The following RABGAP1L variants were observed in gnomAD, a reference collection of about 807,000 sequenced individuals.
RABGAP1L encodes rab GTPase-activating protein 1-like.
A neutral mutation model predicts 137.7 loss-of-function variants in RABGAP1L; 63 were observed. The observed-to-expected ratio is 0.46, with a 90% confidence interval of 0.37 to 0.56. The LOEUF (loss-of-function observed/expected upper bound fraction) is 0.56. RABGAP1L is among the 20% of genes least tolerant of loss of function. The pLI, the probability that RABGAP1L is intolerant of heterozygous loss-of-function variation, is 0.00. For missense variants in RABGAP1L, 1,095 were observed against 1,244.0 expected, an observed-to-expected ratio of 0.88 and a Z score of 1.80; for synonymous variants, 431 against 433.7, an observed-to-expected ratio of 0.99 and a Z score of 0.08.
At chr1:174,212,407 A>G (rs146927374) in intron 1 of RABGAP1L, among the ~76,000 whole-genome samples, 315 of 152,184 alleles carry the variant, frequency 2.1e-3, no homozygotes, top group Non-Finnish European at 3.1e-3. Context: ...AACTATACAA[A>G]CACATGGAAA....
At chr1:174,625,019 C>T (rs1476665109) in intron 13 of RABGAP1L, among the ~76,000 whole-genome samples, 4 of 151,844 alleles carry the variant, frequency 2.6e-5, no homozygotes, top group Non-Finnish European at 4.4e-5. Flanking sequence ...TTACAGGCAC[C>T]TGACACCACA....
At chr1:174,587,207 A>C (rs1669181572) in intron 13 of RABGAP1L, among the ~76,000 whole-genome samples, 1 of 143,182 alleles carries the variant, frequency 7.0e-6, no homozygotes, top group Non-Finnish European at 1.5e-5. Context: ...CGCAATAAAC[A>C]TATGTGTGCA....
At chr1:174,517,393 C>A (rs1348877820) in intron 13 of RABGAP1L, among the ~76,000 whole-genome samples, 2 of 152,104 alleles carry the variant, frequency 1.3e-5, no homozygotes, top group Non-Finnish European at 2.9e-5. Flanking sequence ...AAGACTCCAT[C>A]TTTAAGAGAG....
intron 14 of RABGAP1L, among the ~76,000 whole-genome samples, chr1:174,677,177 C>A (rs1430081940): frequency 2.9e-5 from 3 of 101,866 alleles, no homozygotes; most frequent in African/African-American, 1.8e-4. Context: ...AAAAAATTAT[C>A]CGTGCATGGT....
At chr1:174,351,061 G>C (rs1346044575) in intron 11 of RABGAP1L, among the ~76,000 whole-genome samples, 1 of 128,762 alleles carries the variant, frequency 7.8e-6, no homozygotes, top group African/African-American at 2.9e-5. Flanking sequence ...GCATGAGAGG[G>C]AGACCGTGGG....
chr1:174,327,980 CACACACATATATATATATATATATATAT>C (rs1680622967), intron 11 of RABGAP1L, among the ~76,000 whole-genome samples: 50 of 105,914 alleles, frequency 4.7e-4, no homozygotes, highest in Admixed American at 5.0e-4. Context: ...TATATATATA[CACACACATATATATATATATATATATAT>C]ATATATATAT....
At chr1:174,200,895 T>C (rs1392953792) in intron 1 of RABGAP1L, among the ~76,000 whole-genome samples, 9 of 152,204 alleles carry the variant, frequency 5.9e-5, no homozygotes, top group Admixed American at 5.9e-4. Flanking sequence ...ACTTTTTCAA[T>C]GTGTCCCCGT....
intron 13 of RABGAP1L, among the ~76,000 whole-genome samples, chr1:174,611,774 C>T (rs1010138617): frequency 7.2e-5 from 11 of 152,154 alleles, no homozygotes; most frequent in Non-Finnish European, 1.5e-4. Flanking sequence ...TCCTTCACGT[C>T]CCTTTTAAGT....
At chr1:174,715,780 C>CT (rs1680951912) in intron 17 of RABGAP1L, among the ~76,000 whole-genome samples, 1 of 152,178 alleles carries the variant, frequency 6.6e-6, no homozygotes, top group African/African-American at 2.4e-5. Flanking sequence ...CATTTTGGGT[C>CT]TTTCAGTCCA....
chr1:174,601,702 C>G (rs1670426671), intron 13 of RABGAP1L, among the ~76,000 whole-genome samples: 1 of 152,020 alleles, frequency 6.6e-6, no homozygotes, highest in African/African-American at 2.4e-5. Context: ...CTGCATTAGG[C>G]TGCAAATTTT....
At chr1:174,411,904 G>A (rs1042350903) in intron 13 of RABGAP1L, among the ~76,000 whole-genome samples, 1 of 152,058 alleles carries the variant, frequency 6.6e-6, no homozygotes. Context: ...CTGAGCATGT[G>A]ATTGATCTTG....
intron 19 of RABGAP1L, among the ~76,000 whole-genome samples, chr1:174,875,277 T>C (rs986583575): frequency 6.6e-6 from 1 of 152,234 alleles, no homozygotes; most frequent in African/African-American, 2.4e-5. Context: ...TTTTATGAGT[T>C]TAATGTACAG....
intron 13 of RABGAP1L, among the ~76,000 whole-genome samples, chr1:174,611,152 T>A (rs1157685822): frequency 2.7e-5 from 4 of 148,330 alleles, no homozygotes; most frequent in East Asian, 2.0e-4. Flanking sequence ...CTGAATGGTA[T>A]TGCCTAGGTT....
chr1:174,446,682 C>T (rs1222715337), intron 13 of RABGAP1L, among the ~76,000 whole-genome samples: 3 of 152,218 alleles, frequency 2.0e-5, no homozygotes, highest in African/African-American at 7.2e-5. Flanking sequence ...TACCTAATGG[C>T]CCCTGTGTTA....
At chr1:174,365,732 C>T (rs1373470564) in intron 11 of RABGAP1L, among the ~76,000 whole-genome samples, 2 of 152,220 alleles carry the variant, frequency 1.3e-5, no homozygotes, top group African/African-American at 4.8e-5. Flanking sequence ...GTGGTATCAG[C>T]AACTCATGAC....
chr1:174,565,254 T>C (rs752114429), intron 13 of RABGAP1L, among the ~76,000 whole-genome samples: 14 of 152,198 alleles, frequency 9.2e-5, no homozygotes, highest in Non-Finnish European at 2.1e-4. Flanking sequence ...ATCTAACAGA[T>C]GTCTTCTACT....
intron 13 of RABGAP1L, among the ~76,000 whole-genome samples, chr1:174,564,375 A>G (rs1362989079): frequency 6.6e-6 from 1 of 152,128 alleles, no homozygotes; most frequent in Non-Finnish European, 1.5e-5. Flanking sequence ...AATATTTACC[A>G]TTTAGGATAT....
chr1:174,790,385 A>G lies in RABGAP1L; in HGVS notation c.2212-21447A>G, dbSNP rs764178413. On this transcript the variant is annotated intron_variant, in intron 18 of 25. Coordinates refer to ENST00000681986, the MANE Select transcript of RABGAP1L (RefSeq NM_001366446.1). The stretch of plus-strand genomic sequence containing the variant: ...ATGCCTGTAATCCTAGCACTTTGGG[A>G]GGCCAAGGTGGGTAGATCACCTGAG... Among the ~76,000 whole-genome samples the G allele has an allele frequency of 3.4e-4, 52 of 152,252 alleles. 1 individual carries two copies. The highest frequency in any genetic ancestry group is 1.8e-3 in the Admixed American group (28 of 15,284).
intron 13 of RABGAP1L, among the ~76,000 whole-genome samples, chr1:174,479,005 C>T (rs12076548): frequency 0.35 from 53,659 of 152,112 alleles, 12,119 homozygotes; most frequent in African/African-American, 0.64. Flanking sequence ...CCACAATATC[C>T]TTAAATATGC....
Sources: gnomAD v4.1 joint callset for allele counts (sites outside exome capture counted in the v4.1 genomes callset) on GRCh38, gnomAD v4.1.1 for gene constraint, MANE v1.5 for transcripts, NCBI Gene and HGNC (gene_info 2026-07-23, HGNC 2026-07-21) for gene names.